FBN1: variants seen among roughly 807,000 people sequenced by gnomAD.
FBN1 encodes the protein fibrillin-1.
In FBN1, 29 loss-of-function variants were observed where a neutral mutation model predicts 365.1. The ratio of observed to expected loss-of-function variants is 0.08; its 90% confidence interval spans 0.06 to 0.11. The LOEUF is 0.11. FBN1 is among the 10% of genes least tolerant of loss of function. The pLI, the probability that FBN1 is intolerant of heterozygous loss-of-function variation, is 1.00. For synonymous variants in FBN1, 1,210 were observed against 1,270.5 expected (o/e 0.95, Z 1.01); for missense variants, 2,476 against 3,703.2 (o/e 0.67, Z 8.60).
In FBN1 at chr15:48,421,655, C is replaced by G; in HGVS notation, c.7602G>C (p.Leu2534=). ...TCTGGCAAATGCCCTTAGACCCGCA[C>G]AGATTGATGTCAGAGGTGCATTCAT... ...DNNECTSDIN[L]CGSKGICQNT... The change falls in exon 62 of 66, where the codon CTG becomes CTC. Residue 2534 remains leucine (L), a synonymous_variant. Transcript: ENST00000316623. The G allele has an allele frequency of 6.2e-7, 1 of 1,613,880 alleles. No homozygotes were observed. Among genetic ancestry groups the G allele is most frequent in the East Asian group, 2.2e-5 (1 of 44,884 alleles).
At chr15:48,432,818 C>A (rs1454487066) in intron 55 of FBN1, 48 bp downstream of exon 55, 7 of 1,610,942 alleles carry the variant, frequency 4.3e-6, no homozygotes, top group Non-Finnish European at 5.9e-6. Context: ...CATCTCCCCT[C>A]ACAGATAAAG....
At chr15:48,428,178 G>A in intron 57 of FBN1, 168 bp downstream of exon 57, 1 of 843,502 alleles carries the variant, frequency 1.2e-6, no homozygotes. Context: ...GCAGGGTGGT[G>A]CTGAGCCCAA....
At chr15:48,468,389 C>T (rs758235908) in intron 37 of FBN1, 23 bp downstream of exon 37, 8 of 1,613,588 alleles carry the variant, frequency 5.0e-6, no homozygotes, top group Non-Finnish European at 6.8e-6. Flanking sequence ...GCTTGCTTCT[C>T]TGAAAAGTTT....
intron 43 of FBN1, among the ~76,000 whole-genome samples, chr15:48,458,803 T>G (rs997037800): frequency 3.9e-5 from 6 of 152,240 alleles, no homozygotes; most frequent in Non-Finnish European, 8.8e-5. Flanking sequence ...GGACTCCACA[T>G]GCCAACAATC....
chr15:48,450,894 T>C lies in FBN1; in HGVS notation c.5545+1668A>G, dbSNP rs192733898. Among the ~76,000 whole-genome samples the C allele has an allele frequency of 1.3e-3, 195 of 152,300 alleles. 1 individual carries two copies. The highest frequency in any genetic ancestry group is 4.5e-3 in the African/African-American group (186 of 41,564). On this transcript the variant is annotated intron_variant, in intron 45 of 65. Coordinates refer to ENST00000316623, the MANE Select transcript of FBN1 (RefSeq NM_000138.5). ...AAAAAATGCCAAGTATAGAATAGCA[T>C]TTAAAGATATTTTAAAAGTAAGACA...
chr15:48,453,294 C>CAA (rs60566317), intron 44 of FBN1, among the ~76,000 whole-genome samples: 8 of 58,486 alleles, frequency 1.4e-4, no homozygotes, highest in Admixed American at 3.9e-4. Context: ...ATAAAACAAA[C>CAA]AAAAAAAAAA....
intron 6 of FBN1, among the ~76,000 whole-genome samples, chr15:48,572,633 T>C (rs1255793766): frequency 1.3e-5 from 2 of 151,512 alleles, no homozygotes; most frequent in Non-Finnish European, 2.9e-5. Context: ...AGAGAAAGTG[T>C]ACAAGTAAAA....
chr15:48,512,386 C>T (rs1208039548), intron 13 of FBN1, among the ~76,000 whole-genome samples: 1 of 152,154 alleles, frequency 6.6e-6, no homozygotes, highest in Non-Finnish European at 1.5e-5. Context: ...AGGTAAACTT[C>T]TGTCATGGGG....
intron 32 of FBN1, among the ~76,000 whole-genome samples, chr15:48,475,985 T>C (rs2043415405): frequency 6.6e-6 from 1 of 152,192 alleles, no homozygotes; most frequent in African/African-American, 2.4e-5. Context: ...AGTGTAACCT[T>C]GGCAGCCACA....
chr15:48,446,732 A>T lies in FBN1; in HGVS notation c.5762T>A (p.Ile1921Asn), dbSNP rs2043162407. 2 of 1,612,710 alleles carry T rather than the reference A, an allele frequency of 1.2e-6. No individual in the cohort carries two copies. Among genetic ancestry groups the T allele is most frequent in the African/African-American group, 2.7e-5 (2 of 74,898 alleles). The change falls in exon 47 of 66, where the codon ATC (isoleucine) becomes AAC (asparagine). Residue 1921 changes from isoleucine to asparagine, a missense_variant. Around this residue, in one of 5 missense-constraint regions of FBN1, gnomAD observed 1,780 missense variants for 2,840.8 expected, o/e 0.63. Coordinates refer to ENST00000316623, the MANE Select transcript of FBN1 (RefSeq NM_000138.5). ...TATACAGTCATTGTTGTGAGAAAGG[A>T]TGAAACCATGATTGCAGCGGCAGTT... ...SFNCRCNHGF[I>N]LSHNNDCIDV...
intron 6 of FBN1, among the ~76,000 whole-genome samples, chr15:48,587,054 A>C (rs558569452): frequency 1.3e-5 from 2 of 152,338 alleles, no homozygotes; most frequent in African/African-American, 4.8e-5. Context: ...TGGAGTTTCC[A>C]AAAATGATAT....
intron 35 of FBN1, among the ~76,000 whole-genome samples, chr15:48,472,089 G>A (rs551491331): frequency 5.1e-4 from 77 of 152,306 alleles, no homozygotes; most frequent in African/African-American, 1.8e-3. Flanking sequence ...AAGACTATTT[G>A]CTCTGCTTTT....
intron 15 of FBN1, 52 bp downstream of exon 15, chr15:48,508,530 A>G: frequency 6.2e-7 from 1 of 1,612,018 alleles, no homozygotes; most frequent in Non-Finnish European, 8.5e-7. Flanking sequence ...AAACAACATA[A>G]GGAGGAGAAA....
intron 61 of FBN1, 83 bp downstream of exon 61, chr15:48,421,869 T>A: frequency 7.8e-7 from 1 of 1,284,154 alleles, no homozygotes; most frequent in Non-Finnish European, 1.1e-6. Flanking sequence ...TTTATTTTCT[T>A]ATCCCAACAG....
At chr15:48,621,425 C>A (rs1889763028) in intron 2 of FBN1, among the ~76,000 whole-genome samples, 1 of 152,130 alleles carries the variant, frequency 6.6e-6, no homozygotes, top group Admixed American at 6.6e-5. Flanking sequence ...TTCCCAAAAA[C>A]CCATAATTTC....
chr15:48,467,438 C>A (rs1017909338), intron 38 of FBN1, among the ~76,000 whole-genome samples: 2 of 152,150 alleles, frequency 1.3e-5, no homozygotes, highest in African/African-American at 4.8e-5. Flanking sequence ...AAAACGAAAA[C>A]CCTTTTATAT....
rs199789628 is a variant in FBN1, at chr15:48,489,864, C to T, written c.3069G>A (p.Lys1023=). ...GTAACATTGTACCTTTGAAGAAAGG[C>T]TTTCCATTTGTAATTTCTTTTGTGG... The part of the protein sequence containing the change: ...GFATKEITNG[K]PFFKDINECK... Residue 1023 remains lysine, a synonymous_variant, in exon 25 of 66, where the codon AAG becomes AAA. Coordinates refer to ENST00000316623, the MANE Select transcript of FBN1 (RefSeq NM_000138.5). The T allele has an allele frequency of 7.9e-4, 1,274 of 1,614,010 alleles. 6 individuals carry two copies. The highest frequency in any genetic ancestry group is 1.4e-4 in the Non-Finnish European group (165 of 1,179,920).
Position 48,644,786 on chromosome 15 carries a change from C to T in FBN1, c.-17G>A, listed in dbSNP as rs1566944910. ...TCGACGCATGATGCCGAGCCGCCAC[C>T]GGCTCCCGCCGCCTCTTGCCGCGCC... On this transcript the variant is annotated 5_prime_UTR_variant, in exon 2 of 66. Transcript: ENST00000316623. 1 of 1,598,562 alleles carries T rather than the reference C, an allele frequency of 6.3e-7. No individual in the cohort carries two copies. Among genetic ancestry groups the T allele is most frequent in the Admixed American group, 1.7e-5 (1 of 58,860 alleles).
intron 6 of FBN1, among the ~76,000 whole-genome samples, chr15:48,553,574 T>G (rs751549309): frequency 9.2e-5 from 14 of 152,228 alleles, no homozygotes; most frequent in Non-Finnish European, 1.9e-4. Context: ...TTATAGTCTA[T>G]TGTTTTGGCT....
Sources: allele counts gnomAD v4.1 joint callset (sites outside exome capture counted in the v4.1 genomes callset), GRCh38; gene constraint gnomAD v4.1.1; regional missense constraint gnomAD v4.1.1; transcripts MANE v1.5; gene names NCBI Gene and HGNC (gene_info 2026-07-23, HGNC 2026-07-21).